RLF: variants seen among roughly 807,000 people sequenced by gnomAD.
RLF encodes zinc finger protein Rlf.
RLF carries 7 observed loss-of-function variants against 162.9 expected under a neutral mutation model. The ratio of observed to expected loss-of-function variants is 0.04; its 90% CI spans 0.02 to 0.08. The LOEUF is 0.08. RLF is among the 10% of genes least tolerant of loss of function. The pLI, the probability that RLF is intolerant of heterozygous loss-of-function variation, is 1.00. For missense variants in RLF, 1,664 were observed against 2,244.7 expected (o/e 0.74, Z 5.23); for synonymous variants, 782 against 791.5 (o/e 0.99, Z 0.20).
chr1:40,182,341 G>A (rs1210871318), intron 1 of RLF, among the ~76,000 whole-genome samples: 2 of 152,164 alleles, frequency 1.3e-5, no homozygotes, highest in Non-Finnish European at 2.9e-5. Context: ...GGCTGAGGCA[G>A]GAGAGTCTCT....
At chr1:40,189,984 T>C (rs966034254) in intron 2 of RLF, among the ~76,000 whole-genome samples, 1 of 152,218 alleles carries the variant, frequency 6.6e-6, no homozygotes, top group African/African-American at 2.4e-5. Context: ...ACTTCTAGTC[T>C]AGATGGTTTA....
intron 4 of RLF, among the ~76,000 whole-genome samples, chr1:40,198,779 TAA>T (rs942568830): frequency 6.6e-6 from 1 of 151,672 alleles, no homozygotes; most frequent in Non-Finnish European, 1.5e-5. Context: ...GGTATAAAAC[TAA>T]AAAAAAATTT....
At chr1:40,166,260 A>G (rs1428093420) in intron 1 of RLF, among the ~76,000 whole-genome samples, 1 of 152,084 alleles carries the variant, frequency 6.6e-6, no homozygotes, top group African/African-American at 2.4e-5. Flanking sequence ...TGATACACAC[A>G]TGAGATAGAC....
intron 6 of RLF, among the ~76,000 whole-genome samples, chr1:40,225,642 C>G (rs189165599): frequency 6.7e-6 from 1 of 150,016 alleles, no homozygotes; most frequent in Admixed American, 6.7e-5. Flanking sequence ...TTTGGGAGGC[C>G]GAGACGGGCA....
intron 5 of RLF, among the ~76,000 whole-genome samples, chr1:40,216,795 C>G (rs1324437898): frequency 2.0e-5 from 3 of 152,150 alleles, no homozygotes; most frequent in Non-Finnish European, 2.9e-5. Flanking sequence ...TGTCTCACGC[C>G]TGTACCAGCA....
At chr1:40,204,404 A>G (rs1193007812) in intron 5 of RLF, among the ~76,000 whole-genome samples, 5 of 151,716 alleles carry the variant, frequency 3.3e-5, no homozygotes, top group East Asian at 1.9e-4. Context: ...ACCTGCACTC[A>G]TGGGGCCAAA....
intron 7 of RLF, among the ~76,000 whole-genome samples, chr1:40,235,088 T>C: frequency 8.2e-6 from 1 of 121,826 alleles, no homozygotes; most frequent in South Asian, 2.7e-4. Flanking sequence ...TGAGACGGAG[T>C]TTTGCTCTTG....
At chr1:40,220,698 C>T (rs192518802) in intron 5 of RLF, among the ~76,000 whole-genome samples, 6 of 152,294 alleles carry the variant, frequency 3.9e-5, no homozygotes, top group Non-Finnish European at 7.4e-5. Context: ...CTTTGCTAGG[C>T]ACATACATTT....
chr1:40,228,901 C>G (rs892121051), intron 6 of RLF, among the ~76,000 whole-genome samples: 3 of 152,164 alleles, frequency 2.0e-5, no homozygotes, highest in Non-Finnish European at 1.5e-5. Flanking sequence ...AATGACCACC[C>G]TGCCCGCCCC....
intron 5 of RLF, among the ~76,000 whole-genome samples, chr1:40,219,350 A>G (rs190953030): frequency 1.0e-3 from 158 of 152,274 alleles, no homozygotes; most frequent in Non-Finnish European, 1.6e-3. Context: ...AACAGGTGCT[A>G]AGGGGGATAA....
intron 1 of RLF, among the ~76,000 whole-genome samples, chr1:40,175,839 A>G (rs975206502): frequency 7.3e-5 from 11 of 151,314 alleles, no homozygotes; most frequent in African/African-American, 2.7e-4. Flanking sequence ...CTTAATATCC[A>G]TGAAACCATC....
At chr1:40,189,368 T>G (rs1486216399) in intron 2 of RLF, among the ~76,000 whole-genome samples, 159 bp downstream of exon 2, 1 of 152,168 alleles carries the variant, frequency 6.6e-6, no homozygotes, top group Non-Finnish European at 1.5e-5. Flanking sequence ...CCAGGAGATA[T>G]AGTCCAAGTG....
At chr1:40,204,584 AT>A (rs1288480533) in intron 5 of RLF, among the ~76,000 whole-genome samples, 2 of 151,194 alleles carry the variant, frequency 1.3e-5, no homozygotes, top group African/African-American at 4.9e-5. Flanking sequence ...TTTATTTTTT[AT>A]TTATTTTTTA....
intron 1 of RLF, among the ~76,000 whole-genome samples, chr1:40,176,573 G>T (rs1245641669): frequency 6.6e-6 from 1 of 152,156 alleles, no homozygotes; most frequent in Non-Finnish European, 1.5e-5. Context: ...CCAAATAGCT[G>T]GGACCACAGG....
chr1:40,217,393 C>T (rs1642937882), intron 5 of RLF, among the ~76,000 whole-genome samples: 1 of 151,910 alleles, frequency 6.6e-6, no homozygotes, highest in African/African-American at 2.4e-5. Flanking sequence ...ATCACTGGTA[C>T]CTAGGAGTTC....
chr1:40,194,455 C>T (rs111909721), intron 3 of RLF, among the ~76,000 whole-genome samples: 20 of 152,092 alleles, frequency 1.3e-4, no homozygotes, highest in East Asian at 5.8e-4. Flanking sequence ...CCAGGACCAA[C>T]GTGGCAAAAC....
rs1052020576 is a variant in RLF, at chr1:40,236,337, A to G, written c.1635A>G (p.Glu545=). 1.2e-6 allele frequency: 2 copies of G among 1,613,984 alleles called. No individual in the cohort carries two copies. Among genetic ancestry groups the G allele is most frequent in the Non-Finnish European group, 1.7e-6 (2 of 1,179,972 alleles). Residue 545 remains glutamate (E), a synonymous_variant, in exon 8 of 8, where the codon GAA becomes GAG. Coordinates refer to ENST00000372771, the MANE Select transcript of RLF (RefSeq NM_012421.4). This position sits in a 1 kb window ranked among gnomAD's most constrained non-coding sequence, Gnocchi z 7.7. ...KRDKKPIGSS[E]RYQRWLQYKF... ...ACAAAAAACCTATTGGCTCTTCTGA[A>G]AGATATCAGAGGTGGCTTCAGTACA...
At chr1:40,197,534 C>T (rs1557747263) in intron 4 of RLF, among the ~76,000 whole-genome samples, 1 of 152,136 alleles carries the variant, frequency 6.6e-6, no homozygotes, top group African/African-American at 2.4e-5. Flanking sequence ...GTATTTTCCC[C>T]TGATATACTA....
At chr1:40,218,276 A>AG (rs1479567911) in intron 5 of RLF, among the ~76,000 whole-genome samples, 2 of 152,218 alleles carry the variant, frequency 1.3e-5, no homozygotes, top group Non-Finnish European at 2.9e-5. Context: ...TGCCTTTCAA[A>AG]GGTCTTCCGT....
Sources: gnomAD v4.1 joint callset for allele counts (sites outside exome capture counted in the v4.1 genomes callset) on GRCh38, gnomAD v4.1.1 for gene constraint, Gnocchi (gnomAD v3.1) non-coding constraint, MANE v1.5 for transcripts, NCBI Gene and HGNC (gene_info 2026-07-23, HGNC 2026-07-21) for gene names.